ANKRD26: variants seen among roughly 807,000 people sequenced by gnomAD.
ANKRD26 encodes the protein ankyrin repeat domain-containing protein 26.
In ANKRD26, 141 loss-of-function variants were observed where a neutral mutation model predicts 208.7. That is an observed-to-expected ratio of 0.68 (90% CI 0.59 to 0.78). ANKRD26 has a LOEUF of 0.78. ANKRD26 is among the 30% of genes least tolerant of loss of function. The pLI, the probability that ANKRD26 is intolerant of heterozygous loss-of-function variation, is 0.00. For missense variants in ANKRD26, 1,889 were observed against 1,938.7 expected (o/e 0.97, Z 0.48); for synonymous variants, 636 against 660.4 (o/e 0.96, Z 0.57).
intron 20 of ANKRD26, among the ~76,000 whole-genome samples, chr10:27,042,607 G>T (rs2054285580): frequency 6.6e-6 from 1 of 152,040 alleles, no homozygotes; most frequent in South Asian, 2.1e-4. Flanking sequence ...CAAAAAGTTT[G>T]CCAGGCTTGG....
chr10:27,006,073 A>G (rs1478867888), intron 33 of ANKRD26, among the ~76,000 whole-genome samples: 2 of 152,230 alleles, frequency 1.3e-5, no homozygotes, highest in Non-Finnish European at 2.9e-5. Context: ...CAATTTCCAT[A>G]CAAAGTCACA....
chr10:27,007,975 C>A lies in ANKRD26; in HGVS notation c.4954-1013G>T, dbSNP rs912733857. 1.6e-4 allele frequency among the ~76,000 whole-genome samples: 24 copies of A among 151,960 alleles called. No homozygotes were observed. The East Asian group carries it at 3.1e-3, about 20-fold the overall frequency. Reference sequence around the variant, plus strand: ...AGAATTATAAACAAAAAATATATAGCTCTTTAATTGTAATTTTGATTTCAG... The same window carrying A: ...AGAATTATAAACAAAAAATATATAGATCTTTAATTGTAATTTTGATTTCAG... On this transcript the variant is annotated intron_variant, in intron 32 of 33. Coordinates refer to ENST00000376087, the MANE Select transcript of ANKRD26 (RefSeq NM_014915.3).
At chr10:27,047,739 A>AATT (rs1193095720) in intron 17 of ANKRD26, among the ~76,000 whole-genome samples, 946 of 49,278 alleles carry the variant, frequency 0.019, 11 homozygotes, top group African/African-American at 0.033. Context: ...TAATAATAAT[A>AATT]ATTATTATTA....
intron 15 of ANKRD26, among the ~76,000 whole-genome samples, chr10:27,056,739 T>C (rs911128048): frequency 6.6e-6 from 1 of 151,956 alleles, no homozygotes; most frequent in Non-Finnish European, 1.5e-5. Flanking sequence ...ATCATGCCAT[T>C]GCACTCCAGC....
chr10:26,958,072 T>TA, the ANKRD26 span, among the ~76,000 whole-genome samples: 10 of 125,954 alleles, frequency 7.9e-5, no homozygotes, highest in East Asian at 9.8e-4. Flanking sequence ...ATCACCCAGT[T>TA]TTATATATAT....
chr10:27,061,159 G>A lies in ANKRD26; in HGVS notation c.1447C>T (p.Pro483Ser), dbSNP rs1350668871. Residue 483 changes from proline (P) to serine (S), a missense_variant, in exon 13 of 34, where the codon CCA becomes TCA. Physicochemically the swap from Pro to Ser is moderately conservative, Grantham distance 74 (BLOSUM62 -1). This residue lies in a region of ANKRD26 where 1,272 missense variants were observed against 1,273.8 expected (regional missense o/e 1.00). Transcript: ENST00000376087. ...KLEDTRNVGMPVAHMESPERY... is the reference protein window; with the variant it reads ...KLEDTRNVGMSVAHMESPERY... The stretch of plus-strand genomic sequence containing the variant: ...TTTTCCATACCCATGTGGGCTACTG[G>A]CATGCCTACATTTCTTGTATCCTCT... 5.0e-6 allele frequency: 8 copies of A among 1,609,978 alleles called. No individual in the cohort carries two copies. Among genetic ancestry groups the A allele is most frequent in the Non-Finnish European group, 6.8e-6 (8 of 1,176,638 alleles).
chr10:26,966,274 A>C, the ANKRD26 span, among the ~76,000 whole-genome samples: 1 of 152,238 alleles, frequency 6.6e-6, no homozygotes, highest in East Asian at 1.9e-4. Flanking sequence ...AATGTGGTAC[A>C]TATACACCAT....
At chr10:27,061,079 T>A in intron 13 of ANKRD26, 65 bp downstream of exon 13, 1 of 1,182,324 alleles carries the variant, frequency 8.5e-7, no homozygotes, top group South Asian at 1.2e-5. Context: ...GTGTTCTGAA[T>A]TGATCAGCTT....
chr10:26,963,407 TGAATCTGCTCTGGC>T, the ANKRD26 span, among the ~76,000 whole-genome samples: 1 of 152,224 alleles, frequency 6.6e-6, no homozygotes, highest in Non-Finnish European at 1.5e-5. Context: ...ACTGTAAATG[TGAATCTGCTCTGGC>T]ACAGTCTTGT....
chr10:26,980,691 A>G (rs2052294240), exon 5 of ANKRD26, among the ~76,000 whole-genome samples: 1 of 152,156 alleles, frequency 6.6e-6, no homozygotes, highest in African/African-American at 2.4e-5. Context: ...AATCATCAGG[A>G]GACGGAGTTG....
In ANKRD26 at chr10:27,044,186, T is replaced by C. The variant is rs756487191; in HGVS notation, c.1990A>G (p.Thr664Ala). ...SEIDEDEGRP[T>A]KKTSNEKNKV... is the part of the protein sequence containing the mutation. ...TTCTTTTCATTAGATGTTTTCTTAG[T>C]AGGCCTAAAAAAAAAAAATACCTTT... The change falls in exon 19 of 34, where the codon ACT (threonine) becomes GCT (alanine). Residue 664 changes from threonine (T) to alanine (A), a missense_variant. Thr to Ala is a moderately conservative substitution (Grantham distance 58). Around this residue, in one of 3 missense-constraint regions of ANKRD26, gnomAD observed 1,272 missense variants for 1,273.8 expected, o/e 1.00. Transcript: ENST00000376087. 7.0e-7 allele frequency: 1 copy of C among 1,429,432 alleles called. No homozygotes were observed. Among genetic ancestry groups the C allele is most frequent in the Non-Finnish European group, 9.5e-7 (1 of 1,049,722 alleles). The allele number at this position is 1,429,432 out of a possible 1,614,324, so 88.5% of individuals were successfully genotyped here. A position where few individuals can be genotyped will look rare whatever the true frequency, so the allele number is the denominator to read the frequency against.
At chr10:27,037,604 C>G (rs1414793007) in intron 22 of ANKRD26, among the ~76,000 whole-genome samples, 4 of 151,982 alleles carry the variant, frequency 2.6e-5, no homozygotes, top group Non-Finnish European at 5.9e-5. Context: ...GCTATTTAGC[C>G]TGTATTTTAA....
chr10:26,959,634 C>T, the ANKRD26 span, among the ~76,000 whole-genome samples: 14 of 149,268 alleles, frequency 9.4e-5, no homozygotes, highest in African/African-American at 2.7e-4. Flanking sequence ...CCACATAATT[C>T]GAATGCACTT....
At position 27,031,846 on chromosome 10, in the gene ANKRD26, A is replaced by G. The variant is rs545400065; in HGVS notation, c.3807+1379T>C. Among the ~76,000 whole-genome samples the G allele has an allele frequency of 3.6e-4, 55 of 152,332 alleles. 1 individual carries two copies. In the South Asian group the frequency reaches 0.011, roughly 30 times the overall value. ...ATTTTAAATGAAAGGAAAATGAAGG[A>G]AATGCCTATTTCAAATAGTTTATAA... On this transcript the variant is annotated intron_variant, in intron 25 of 33. Transcript: ENST00000376087.
In ANKRD26 at chr10:27,053,359, T is replaced by G. The variant is rs754085062; in HGVS notation, c.1596A>C (p.Glu532Asp). Residue 532 changes from glutamate (E) to aspartate (D), a missense_variant, in exon 16 of 34, where the codon GAA becomes GAC. Physicochemically the swap from Glu to Asp is conservative, Grantham distance 45. This residue lies in a region of ANKRD26 where 1,272 missense variants were observed against 1,273.8 expected (regional missense o/e 1.00). Transcript: ENST00000376087. Reference sequence around the variant, plus strand: ...TTTCACTCCCTTCCCTTTCTTGCTCTTCTTCTGATGCTACTTCTAAGTCAT... The same window carrying G: ...TTTCACTCCCTTCCCTTTCTTGCTCGTCTTCTGATGCTACTTCTAAGTCAT... ...AEHDLEVASEEEQEREGSENN... is the reference protein window; with the variant it reads ...AEHDLEVASEDEQEREGSENN... The G allele has an allele frequency of 1.3e-6, 2 of 1,559,536 alleles. No individual in the cohort carries two copies. Among genetic ancestry groups the G allele is most frequent in the Non-Finnish European group, 1.7e-6 (2 of 1,175,380 alleles).
intron 22 of ANKRD26, 76 bp from the exon 23 acceptor site, chr10:27,037,399 A>G (rs2054080057): frequency 6.7e-7 from 1 of 1,492,390 alleles, no homozygotes; most frequent in Non-Finnish European, 9.2e-7. Context: ...GAATTTTAAA[A>G]CAAAAAACTT....
At chr10:27,100,022 G>C (rs529877316) in intron 1 of ANKRD26, 63 bp downstream of exon 1, 1 of 1,607,200 alleles carries the variant, frequency 6.2e-7, no homozygotes, top group Non-Finnish European at 8.5e-7. Context: ...TCCCACAAAA[G>C]GGGCCCCTCT....
chr10:27,099,334 T>A (rs1292833903), intron 1 of ANKRD26, among the ~76,000 whole-genome samples: 2 of 150,864 alleles, frequency 1.3e-5, no homozygotes, highest in African/African-American at 4.9e-5. Context: ...TGCACTGACA[T>A]TTATTCACAA....
chr10:26,987,237 A>C (rs1013425653), downstream of ANKRD26, among the ~76,000 whole-genome samples: 18 of 152,100 alleles, frequency 1.2e-4, no homozygotes, highest in African/African-American at 4.3e-4. Context: ...CAATGAGAAC[A>C]CATGGACACA....
Sources: allele counts gnomAD v4.1 joint callset (sites outside exome capture counted in the v4.1 genomes callset), GRCh38; gene constraint gnomAD v4.1.1; regional missense constraint gnomAD v4.1.1; transcripts MANE v1.5; gene names NCBI Gene and HGNC (gene_info 2026-07-23, HGNC 2026-07-21).